Variants in NEGR1 observed in about 807,000 individuals in gnomAD.
The protein encoded by NEGR1 is neuronal growth regulator 1, also known as IgLON family member 4.
A neutral mutation model predicts 40.9 loss-of-function variants in NEGR1; 10 were observed. The observed-to-expected ratio is 0.24, with a 90% CI of 0.15 to 0.42. NEGR1 has a LOEUF of 0.42. NEGR1 is among the 10% of genes least tolerant of loss of function. The pLI is 1.00. For synonymous variants in NEGR1, 185 were observed against 166.8 expected, an observed-to-expected ratio of 1.11 and a Z score of -0.84; for missense variants, 352 against 438.9, an observed-to-expected ratio of 0.80 and a Z score of 1.77.
At chr1:71,904,920 A>G in intron 2 of NEGR1, among the ~76,000 whole-genome samples, 1 of 152,150 alleles carries the variant, frequency 6.6e-6, no homozygotes, top group African/African-American at 2.4e-5. Flanking sequence ...GTCCCTTGCT[A>G]CATACAAAGC....
chr1:72,169,390 T>G (rs911547316), intron 1 of NEGR1, among the ~76,000 whole-genome samples: 1 of 152,194 alleles, frequency 6.6e-6, no homozygotes, highest in Non-Finnish European at 1.5e-5. Context: ...AACAATTTAT[T>G]ACACTATATA....
At chr1:71,572,833 T>G (rs1379052040) in intron 6 of NEGR1, among the ~76,000 whole-genome samples, 1 of 152,170 alleles carries the variant, frequency 6.6e-6, no homozygotes, top group Non-Finnish European at 1.5e-5. Flanking sequence ...CTTTGTTACC[T>G]CCTTAAAGGG....
chr1:72,061,533 G>A (rs1162834419), intron 1 of NEGR1, among the ~76,000 whole-genome samples: 1 of 151,560 alleles, frequency 6.6e-6, no homozygotes, highest in Non-Finnish European at 1.5e-5. Context: ...TCAACACCCA[G>A]CACTTAGCAT....
chr1:72,163,759 TAGA>T (rs76733210), intron 1 of NEGR1, among the ~76,000 whole-genome samples: 2,731 of 136,784 alleles, frequency 0.02, 43 homozygotes, highest in African/African-American at 0.043. Flanking sequence ...GATAGATAGA[TAGA>T]TATAGATTTA....
chr1:72,270,420 C>T (rs1655803216), intron 1 of NEGR1, among the ~76,000 whole-genome samples: 1 of 151,876 alleles, frequency 6.6e-6, no homozygotes, highest in Admixed American at 6.6e-5. Context: ...TTGCCCATAC[C>T]TACTGCTTCT....
At chr1:71,572,407 T>A (rs1648836852) in intron 6 of NEGR1, among the ~76,000 whole-genome samples, 1 of 152,198 alleles carries the variant, frequency 6.6e-6, no homozygotes, top group Non-Finnish European at 1.5e-5. Flanking sequence ...ATTTCTAAAG[T>A]GAGCACAAAC....
chr1:71,841,824 T>G (rs567386987), intron 2 of NEGR1, among the ~76,000 whole-genome samples: 4 of 152,288 alleles, frequency 2.6e-5, no homozygotes, highest in African/African-American at 9.6e-5. Flanking sequence ...TCCCATAGAT[T>G]ACCTGGTTTA....
chr1:71,502,428 C>A (rs1022156687), intron 6 of NEGR1, among the ~76,000 whole-genome samples: 3 of 152,090 alleles, frequency 2.0e-5, no homozygotes, highest in Non-Finnish European at 4.4e-5. Flanking sequence ...CTACTAGACA[C>A]CTGATCTTGC....
intron 2 of NEGR1, among the ~76,000 whole-genome samples, chr1:71,830,268 A>G (rs559581068): frequency 1.3e-5 from 2 of 152,044 alleles, no homozygotes; most frequent in East Asian, 3.9e-4. Flanking sequence ...CTGAATATCT[A>G]CTTGGTGTTC....
intron 2 of NEGR1, among the ~76,000 whole-genome samples, chr1:71,851,709 G>T (rs1659608236): frequency 6.6e-6 from 1 of 152,000 alleles, no homozygotes; most frequent in South Asian, 2.1e-4. Flanking sequence ...TACAGAAACT[G>T]TAGCATTTGA....
At chr1:72,264,162 A>T (rs1224034462) in intron 1 of NEGR1, among the ~76,000 whole-genome samples, 3 of 151,436 alleles carry the variant, frequency 2.0e-5, no homozygotes, top group Non-Finnish European at 4.4e-5. Context: ...TATGGAGACA[A>T]GTATACAGAA....
rs1400321321 is a variant in NEGR1 at position 71,701,993 on chromosome 1, G to T, written c.536-3854C>A. Reference sequence around the variant, plus strand: ...GGAGTTTATGGAGCAATAAGAGGGGGTATATGGATAGATGAAATTATGGAA... The same window carrying T: ...GGAGTTTATGGAGCAATAAGAGGGGTTATATGGATAGATGAAATTATGGAA... On this transcript the variant is annotated intron_variant, in intron 3 of 6. Coordinates refer to ENST00000357731, the MANE Select transcript of NEGR1 (RefSeq NM_173808.3). 4.0e-5 allele frequency among the ~76,000 whole-genome samples: 6 copies of T among 151,890 alleles called. No homozygotes were observed. In the East Asian group the frequency reaches 9.6e-4, roughly 24 times the overall value.
At chr1:71,970,692 A>G (rs1034363016) in intron 1 of NEGR1, among the ~76,000 whole-genome samples, 1 of 150,448 alleles carries the variant, frequency 6.6e-6, no homozygotes, top group East Asian at 1.9e-4. Flanking sequence ...TGTCTCAAAG[A>G]AAAAAAAAAT....
chr1:72,074,302 G>A (rs971619662), intron 1 of NEGR1, among the ~76,000 whole-genome samples: 1 of 152,096 alleles, frequency 6.6e-6, no homozygotes, highest in Admixed American at 6.6e-5. Context: ...TCAGGATATA[G>A]TTTTCCATAT....
At chr1:71,794,092 A>G (rs914132139) in intron 2 of NEGR1, 2 of 152,158 alleles carry the variant, frequency 1.3e-5, no homozygotes, top group Non-Finnish European at 2.9e-5. Flanking sequence ...AAAGGTGCAA[A>G]CAAGTCATTG....
In NEGR1 at chr1:72,139,985, A is replaced by G. The variant is rs528459669; in HGVS notation, c.176+142334T>C. Among the ~76,000 whole-genome samples the G allele has an allele frequency of 2.6e-5, 4 of 152,198 alleles. No individual in the cohort carries two copies. The East Asian group carries it at 7.7e-4, about 29-fold the overall frequency. On this transcript the variant is annotated intron_variant, in intron 1 of 6. Transcript: ENST00000357731. ...AGCCATTAGATGAGTTTACCACTCC[A>G]TCTTTGCTTGCTCGTGCCTAGAATA...
chr1:72,012,352 G>A (rs1646664352), intron 1 of NEGR1, among the ~76,000 whole-genome samples: 1 of 151,938 alleles, frequency 6.6e-6, no homozygotes, highest in East Asian at 1.9e-4. Flanking sequence ...GGTGAGGCAG[G>A]GTTAACACAC....
At chr1:71,616,645 A>C (rs902700409) in intron 4 of NEGR1, among the ~76,000 whole-genome samples, 1 of 152,188 alleles carries the variant, frequency 6.6e-6, no homozygotes, top group Non-Finnish European at 1.5e-5. Flanking sequence ...GCAGGCTTTA[A>C]GTCAGAATCT....
At chr1:71,580,345 A>G (rs1649094130) in intron 6 of NEGR1, among the ~76,000 whole-genome samples, 1 of 151,824 alleles carries the variant, frequency 6.6e-6, no homozygotes, top group South Asian at 2.1e-4. Flanking sequence ...ATTGGGAGAT[A>G]TACCTAATGC....
Sources: gnomAD v4.1 joint callset for allele counts (sites outside exome capture counted in the v4.1 genomes callset) on GRCh38, gnomAD v4.1.1 for gene constraint, MANE v1.5 for transcripts, NCBI Gene and HGNC (gene_info 2026-07-23, HGNC 2026-07-21) for gene names.